The following CSPG4 variants were observed in gnomAD, a reference collection of about 807,000 sequenced individuals.
CSPG4 encodes chondroitin sulfate proteoglycan 4 (melanoma-associated).
Under a neutral mutation model 139.3 loss-of-function variants are expected in CSPG4, and 74 were observed. The ratio of observed to expected loss-of-function variants is 0.53; its 90% CI spans 0.44 to 0.64. The LOEUF is 0.64. Ranked by LOEUF, CSPG4 falls within the 30% of genes least tolerant of loss-of-function variation. The pLI, the probability that CSPG4 is intolerant of heterozygous loss-of-function variation, is 0.00. For missense variants in CSPG4, 2,565 were observed against 3,148.3 expected, an observed-to-expected ratio of 0.81 and a Z score of 4.43; for synonymous variants, 1,234 against 1,394.2, an observed-to-expected ratio of 0.89 and a Z score of 2.56.
At position 75,712,657 on chromosome 15, in the gene CSPG4, C is replaced by T. The variant is rs1203768853; in HGVS notation, c.88+11G>A. ...GCCAGGCTGGGTCGGGGTCTCAGGCCCCTCACTCACCCGCGGATGCAAGTC... is the reference window on the plus strand; with the variant it reads ...GCCAGGCTGGGTCGGGGTCTCAGGCTCCTCACTCACCCGCGGATGCAAGTC... On this transcript the variant is annotated intron_variant, in intron 1 of 9. Coordinates refer to ENST00000308508, the MANE Select transcript of CSPG4 (RefSeq NM_001897.5). The T allele has an allele frequency of 5.1e-6, 8 of 1,554,234 alleles. No individual in the cohort carries two copies. Among genetic ancestry groups the T allele is most frequent in the Non-Finnish European group, 7.0e-6 (8 of 1,149,016 alleles).
chr15:75,685,349 C>A lies in CSPG4; in HGVS notation c.4142G>T (p.Arg1381Leu), dbSNP rs771624874. ...AGTGGGGAAGTAGGGCCCGGAGACA[C>A]GGAGCAGTGGAGGGGCCAGGGTGAG... ...GSLTLAPPLLRVSGPYFPTLL... is the reference protein window; with the variant it reads ...GSLTLAPPLLLVSGPYFPTLL... Residue 1381 changes from arginine to leucine, a missense_variant, in exon 4 of 10, where the codon CGT becomes CTT. Around this residue, in one of 5 missense-constraint regions of CSPG4, gnomAD observed 2,316 missense variants for 2,818.2 expected, o/e 0.82. Transcript: ENST00000308508. 1 of 1,608,956 alleles carries A rather than the reference C, an allele frequency of 6.2e-7. No individual in the cohort carries two copies. Among genetic ancestry groups the A allele is most frequent in the Non-Finnish European group, 8.5e-7 (1 of 1,177,882 alleles).
chr15:75,699,261 C>T (rs1456189167), intron 1 of CSPG4, among the ~76,000 whole-genome samples: 2 of 152,220 alleles, frequency 1.3e-5, no homozygotes, highest in Non-Finnish European at 2.9e-5. Context: ...CTGCAGAGAC[C>T]TCTGTCGGGG....
chr15:75,677,597 C>T, intron 9 of CSPG4, 106 bp downstream of exon 9: 2 of 1,360,662 alleles, frequency 1.5e-6, no homozygotes, highest in Non-Finnish European at 1.0e-6. Context: ...CTTCCCAGGT[C>T]CTGGGGGCTG....
chr15:75,712,616 G>A, intron 1 of CSPG4, 52 bp downstream of exon 1: 1 of 1,508,442 alleles, frequency 6.6e-7, no homozygotes, highest in Non-Finnish European at 9.0e-7. Flanking sequence ...CCTCCCGGAG[G>A]AACCCCTCTA....
upstream of CSPG4, chr15:75,712,916 C>T (rs1266241006): frequency 7.0e-6 from 4 of 570,994 alleles, no homozygotes; most frequent in South Asian, 4.6e-5. Context: ...CGCGCCCGCT[C>T]GGGTTTCAGG....
intron 8 of CSPG4, chr15:75,679,670 C>G (rs1311378585): frequency 6.6e-6 from 1 of 152,218 alleles, no homozygotes; most frequent in African/African-American, 2.4e-5. Context: ...TTTGGCCTAT[C>G]TTTTGCTCCC....
intron 1 of CSPG4, 28 bp downstream of exon 1, chr15:75,712,640 G>T: frequency 4.5e-6 from 7 of 1,545,530 alleles, no homozygotes; most frequent in Non-Finnish European, 6.1e-6. Flanking sequence ...CCGCCAGGCT[G>T]GGTCGGGGTC....
At position 75,687,138 on chromosome 15, in the gene CSPG4, G is replaced by T. The variant is rs553319626; in HGVS notation, c.3789+138C>A. ...TCCTGGGAGCACAACATATACGGGAGCACATCTGAGGCACGTGCACACATG... is the reference window on the plus strand; with the variant it reads ...TCCTGGGAGCACAACATATACGGGATCACATCTGAGGCACGTGCACACATG... On this transcript the variant is annotated intron_variant, in intron 3 of 9. Transcript: ENST00000308508. The surrounding 1 kb of genome is among the most constrained non-coding windows in gnomAD (Gnocchi z 5.4). 4.2e-5 allele frequency: 41 copies of T among 980,266 alleles called. No individual in the cohort carries two copies. Among genetic ancestry groups the T allele is most frequent in the Non-Finnish European group, 6.3e-5 (40 of 639,984 alleles). The allele number at this position is 980,266 out of a possible 1,614,324, so 60.7% of individuals were successfully genotyped here.
chr15:75,699,044 T>G (rs990980173), intron 1 of CSPG4, among the ~76,000 whole-genome samples: 1 of 152,120 alleles, frequency 6.6e-6, no homozygotes, highest in African/African-American at 2.4e-5. Context: ...CAGACTGGGA[T>G]TCCACCACCC....
Position 75,688,153 on chromosome 15 carries a change from A to G in CSPG4, c.2912T>C (p.Val971Ala). ...TNEDLLRGRL[V>A]YQHDDSETTE... ...GGTCTCGGAGTCATCATGCTGGTAG[A>G]CCAGCCGGCCACGCAACAGGTCTTC... The change falls in exon 3 of 10, where the codon GTC becomes GCC. Residue 971 changes from valine (V) to alanine (A), a missense_variant. This residue lies in a region of CSPG4 where 2,316 missense variants were observed against 2,818.2 expected (regional missense o/e 0.82). Coordinates refer to ENST00000308508, the MANE Select transcript of CSPG4 (RefSeq NM_001897.5). 6.2e-7 allele frequency: 1 copy of G among 1,612,752 alleles called. No homozygotes were observed. Among genetic ancestry groups the G allele is most frequent in the African/African-American group, 1.3e-5 (1 of 75,036 alleles).
At chr15:75,700,782 G>T (rs2141437111) in intron 1 of CSPG4, among the ~76,000 whole-genome samples, 1 of 152,186 alleles carries the variant, frequency 6.6e-6, no homozygotes, top group East Asian at 1.9e-4. Context: ...GATAGTGAGT[G>T]TGTGAGTTGG....
intron 1 of CSPG4, among the ~76,000 whole-genome samples, chr15:75,705,086 G>A (rs935212890): frequency 2.0e-5 from 3 of 152,164 alleles, no homozygotes; most frequent in African/African-American, 7.2e-5. Flanking sequence ...CCGGCCCAGT[G>A]AGCCCCATCC....
Position 75,675,533 on chromosome 15 carries a change from T to C in CSPG4, c.*17A>G. The stretch of plus-strand genomic sequence containing the variant: ...GCCTGTCCCTGGCCCGATCAGCATC[T>C]GGGCCCAGGCCAGGCCTCACACCCA... On this transcript the variant is annotated 3_prime_UTR_variant, in exon 10 of 10. Transcript: ENST00000308508. The C allele has an allele frequency of 3.4e-6, 5 of 1,473,482 alleles. No individual in the cohort carries two copies. Among genetic ancestry groups the C allele is most frequent in the Non-Finnish European group, 4.5e-6 (5 of 1,110,994 alleles). The allele number at this position is 1,473,482 out of a possible 1,614,324, so 91.3% of individuals were successfully genotyped here.
At chr15:75,678,489 A>C (rs1364908709) in intron 8 of CSPG4, 2 of 368,820 alleles carry the variant, frequency 5.4e-6, no homozygotes, top group Non-Finnish European at 1.1e-5. Flanking sequence ...AGTAGCGGGG[A>C]CTGCAGGCAC....
Position 75,690,151 on chromosome 15 carries a change from G to C in CSPG4, c.914C>G (p.Thr305Arg), listed in dbSNP as rs76827801. Residue 305 changes from threonine (T) to arginine (R), a missense_variant, in exon 3 of 10, where the codon ACG (threonine) becomes AGG (arginine). Around this residue, in one of 5 missense-constraint regions of CSPG4, gnomAD observed 2,316 missense variants for 2,818.2 expected, o/e 0.82. Coordinates refer to ENST00000308508, the MANE Select transcript of CSPG4 (RefSeq NM_001897.5). ...RLEISVDQYP[T>R]HTSNRGVLSY... is the part of the protein sequence containing the mutation. The stretch of plus-strand genomic sequence containing the variant: ...GAGGACTCCTCGGTTCGAAGTATGC[G>C]TAGGGTACTGGTCCACGGAGATTTC... 6.2e-7 allele frequency: 1 copy of C among 1,602,100 alleles called. No homozygotes were observed. The highest frequency in any genetic ancestry group is 8.5e-7 in the Non-Finnish European group (1 of 1,177,992).
In CSPG4 at chr15:75,684,894, G is replaced by A. The variant is rs1358747156; in HGVS notation, c.4291C>T (p.Arg1431Cys). 5.6e-6 allele frequency: 9 copies of A among 1,609,814 alleles called. No individual in the cohort carries two copies. The highest frequency in any genetic ancestry group is 5.5e-5 in the South Asian group (5 of 91,006). ...GTCTCGCTCCCGTCATGCACGTAGC[G>A]GATCAGCTGCTCTTCCACCTAGGGG... ...SWRMVEEQLIRYVHDGSETLT... is the reference protein window; with the variant it reads ...SWRMVEEQLICYVHDGSETLT... Residue 1431 changes from arginine to cysteine, a missense_variant, in exon 5 of 10, where the codon CGC becomes TGC. By Grantham distance (180) the Arg-to-Cys change is radical. This residue lies in a region of CSPG4 where 2,316 missense variants were observed against 2,818.2 expected (regional missense o/e 0.82). Transcript: ENST00000308508.
Position 75,693,114 on chromosome 15 carries a change from G to A in CSPG4, c.208C>T (p.Pro70Ser). The A allele has an allele frequency of 6.5e-7, 1 of 1,550,180 alleles. No individual in the cohort carries two copies. Among genetic ancestry groups the A allele is most frequent in the Non-Finnish European group, 8.8e-7 (1 of 1,139,224 alleles). The change falls in exon 2 of 10, where the codon CCA becomes TCA. Residue 70 changes from proline (P) to serine (S), a missense_variant. Around this residue, in one of 5 missense-constraint regions of CSPG4, gnomAD observed 30 missense variants for 60.1 expected, o/e 0.50. Coordinates refer to ENST00000308508, the MANE Select transcript of CSPG4 (RefSeq NM_001897.5). ...AGCTGCAGCAGGAGGTGGTCAGCTG[G>A]GCCTGCTGCCAGGAGAAGGAGGGCT... ...PEALLLLAAG[P>S]ADHLLLQLYS...
intron 1 of CSPG4, among the ~76,000 whole-genome samples, chr15:75,706,959 T>G (rs1894381863): frequency 6.6e-6 from 1 of 151,668 alleles, no homozygotes; most frequent in South Asian, 2.1e-4. Context: ...AGAACTTTTT[T>G]TTTTTTTTTT....
rs747018587 is a variant in CSPG4 at position 75,689,369 on chromosome 15, G to T, written c.1696C>A (p.Leu566Met). 1 of 1,612,410 alleles carries T rather than the reference G, an allele frequency of 6.2e-7. No individual in the cohort carries two copies. The highest frequency in any genetic ancestry group is 1.1e-5 in the South Asian group (1 of 91,064). The change falls in exon 3 of 10, where the codon CTG becomes ATG. Residue 566 changes from leucine (L) to methionine (M), a missense_variant. This residue lies in a region of CSPG4 where 2,316 missense variants were observed against 2,818.2 expected (regional missense o/e 0.82). Transcript: ENST00000308508. Reference protein sequence around the residue: ...IFPHGSLMVILEHTQKPLGPE... With the variant: ...IFPHGSLMVIMEHTQKPLGPE... ...CCCAGCGGCTTCTGCGTGTGTTCCA[G>T]GATCACCATGAGGCTGCCATGTGGG... is the stretch of plus-strand genomic sequence containing the variant.
Sources: allele counts gnomAD v4.1 joint callset (sites outside exome capture counted in the v4.1 genomes callset), GRCh38; gene constraint gnomAD v4.1.1; regional missense constraint gnomAD v4.1.1; non-coding constraint Gnocchi (gnomAD v3.1); transcripts MANE v1.5; gene names NCBI Gene and HGNC (gene_info 2026-07-23, HGNC 2026-07-21).